Variants in BRAF observed in about 807,000 individuals in gnomAD.
The protein encoded by BRAF is serine/threonine-protein kinase B-raf.
BRAF carries 16 observed loss-of-function variants against 104.6 expected under a neutral mutation model. That is an observed-to-expected ratio of 0.15 (90% CI 0.10 to 0.23). The LOEUF (loss-of-function observed/expected upper bound fraction) is 0.23. Among genes scored for constraint, BRAF ranks in the 10% least tolerant of loss-of-function variants. The probability of loss-of-function intolerance (pLI) is 1.00; values close to 1 mark genes in which losing one functional copy is unlikely to be tolerated. For missense variants in BRAF, 541 were observed against 937.3 expected (o/e 0.58, Z 5.52); for synonymous variants, 310 against 341.6 (o/e 0.91, Z 1.02).
chr7:140,904,799 G>A (rs1471655604), intron 1 of BRAF, among the ~76,000 whole-genome samples: 3 of 152,044 alleles, frequency 2.0e-5, no homozygotes, highest in Non-Finnish European at 2.9e-5. Context: ...AGTAGAGACG[G>A]GGTTTCACCA....
chr7:140,783,586 TA>T (rs1447654372), intron 10 of BRAF: 12 of 230,514 alleles, frequency 5.2e-5, no homozygotes, highest in East Asian at 6.2e-5. Context: ...CAATCAATAT[TA>T]AAAAAAAGGA....
At chr7:140,745,464 CAGAA>C (rs1209531344) in intron 17 of BRAF, among the ~76,000 whole-genome samples, 1 of 152,098 alleles carries the variant, frequency 6.6e-6, no homozygotes, top group African/African-American at 2.4e-5. Flanking sequence ...GATGAAGAAA[CAGAA>C]AGAAGAAAAA....
chr7:140,759,036 G>A (rs1798442560), intron 14 of BRAF, among the ~76,000 whole-genome samples: 1 of 152,144 alleles, frequency 6.6e-6, no homozygotes, highest in Non-Finnish European at 1.5e-5. Context: ...GGCTTCTTTT[G>A]CGCAGCAAAA....
rs533431955 is a variant in BRAF, at chr7:140,831,575, C to T, written c.504+3034G>A. Among the ~76,000 whole-genome samples, 11 of 152,238 alleles carry T rather than the reference C, an allele frequency of 7.2e-5. No individual in the cohort carries two copies. The East Asian group carries it at 2.1e-3, about 29-fold the overall frequency. ...ACAGAAGAGGAACTAACAGGATCCC[C>T]TTGTTGTACAACTCCAGGAGGCAAC... On this transcript the variant is annotated intron_variant, in intron 3 of 19. Coordinates refer to ENST00000644969, the MANE Select transcript of BRAF (RefSeq NM_001374258.1).
At chr7:140,824,999 C>A (rs574342131) in intron 3 of BRAF, among the ~76,000 whole-genome samples, 1 of 144,528 alleles carries the variant, frequency 6.9e-6, no homozygotes, top group Non-Finnish European at 1.5e-5. Flanking sequence ...GAGATGGAGT[C>A]TCACTCTGTT....
At chr7:140,713,896 A>G in the BRAF span, among the ~76,000 whole-genome samples, 1 of 152,160 alleles carries the variant, frequency 6.6e-6, no homozygotes, top group South Asian at 2.1e-4. Context: ...TTGCCTGGGT[A>G]TCAGCAGCGG....
At position 140,720,534 on chromosome 7, in the gene BRAF, T is replaced by A; in HGVS notation, c.*5960A>T. On this transcript the variant is annotated 3_prime_UTR_variant, in exon 20 of 20. Coordinates refer to ENST00000644969, the MANE Select transcript of BRAF (RefSeq NM_001374258.1). ...CATACACAAATGTATTAGGAAGGAATGATTCTTAAAAAAACCGTTCACAGC... is the reference window on the plus strand; with the variant it reads ...CATACACAAATGTATTAGGAAGGAAAGATTCTTAAAAAAACCGTTCACAGC... 9.4e-7 allele frequency: 1 copy of A among 1,065,126 alleles called. No individual in the cohort carries two copies. Among genetic ancestry groups the A allele is most frequent in the Non-Finnish European group, 1.1e-6 (1 of 879,210 alleles). 66.0% of individuals were successfully genotyped at this position (1,065,126 alleles called of 1,614,324 possible). A position where few individuals can be genotyped will look rare whatever the true frequency, so the allele number is the denominator to read the frequency against.
At chr7:140,892,813 C>T (rs1279894876) in intron 1 of BRAF, among the ~76,000 whole-genome samples, 1 of 152,142 alleles carries the variant, frequency 6.6e-6, no homozygotes, top group African/African-American at 2.4e-5. Context: ...CAAAACAATA[C>T]ATCAGATCAA....
At chr7:140,800,121 A>G in intron 7 of BRAF, 2 of 563,808 alleles carry the variant, frequency 3.5e-6, no homozygotes, top group Non-Finnish European at 6.2e-6. Flanking sequence ...ACTGAAGAGC[A>G]GAAGTCAAAT....
At chr7:140,769,233 T>A (rs990512385) in intron 14 of BRAF, among the ~76,000 whole-genome samples, 1 of 152,050 alleles carries the variant, frequency 6.6e-6, no homozygotes, top group South Asian at 2.1e-4. Context: ...CCGGCCACCA[T>A]GCCCAGCTGA....
chr7:140,855,975 G>A (rs1809733952), intron 1 of BRAF, among the ~76,000 whole-genome samples: 1 of 151,768 alleles, frequency 6.6e-6, no homozygotes, highest in Non-Finnish European at 1.5e-5. Context: ...CTGAGATCAC[G>A]CCACTATACT....
In BRAF at chr7:140,723,561, A is replaced by G; in HGVS notation, c.*2933T>C. 1 of 1,048,938 alleles carries G rather than the reference A, an allele frequency of 9.5e-7. No homozygotes were observed. The highest frequency in any genetic ancestry group is 1.2e-6 in the Non-Finnish European group (1 of 869,096). The allele number at this position is 1,048,938 out of a possible 1,614,324, so 65.0% of individuals were successfully genotyped here. A position where few individuals can be genotyped will look rare whatever the true frequency, so the allele number is the denominator to read the frequency against. ...TTTTCTATTCACAAATCCCTTTTATAAACTATTTTTTTGGTCAATATTATT... is the reference window on the plus strand; with the variant it reads ...TTTTCTATTCACAAATCCCTTTTATGAACTATTTTTTTGGTCAATATTATT... On this transcript the variant is annotated 3_prime_UTR_variant, in exon 20 of 20. Transcript: ENST00000644969.
At chr7:140,736,679 G>A (rs1459884537) in intron 18 of BRAF, among the ~76,000 whole-genome samples, 2 of 151,266 alleles carry the variant, frequency 1.3e-5, no homozygotes, top group Non-Finnish European at 3.0e-5. Context: ...CGCCTGCCTC[G>A]GCCTCCCAAA....
At chr7:140,911,990 C>T (rs1817032994) in intron 1 of BRAF, among the ~76,000 whole-genome samples, 1 of 152,166 alleles carries the variant, frequency 6.6e-6, no homozygotes, top group Non-Finnish European at 1.5e-5. Context: ...ATAATGCTGT[C>T]TAGACAACTC....
chr7:140,761,866 C>A (rs1412377023), intron 14 of BRAF, among the ~76,000 whole-genome samples: 8 of 152,174 alleles, frequency 5.3e-5, no homozygotes, highest in Non-Finnish European at 1.0e-4. Flanking sequence ...GCACCCAATA[C>A]AGGAGCACCC....
chr7:140,855,549 TG>T (rs1240807442), intron 1 of BRAF, among the ~76,000 whole-genome samples: 2 of 128,208 alleles, frequency 1.6e-5, no homozygotes, highest in African/African-American at 9.0e-5. Flanking sequence ...AGGGGAGCTA[TG>T]GCACAAAAAA....
chr7:140,714,922 A>T (rs1227268216), downstream of BRAF, among the ~76,000 whole-genome samples: 1 of 152,110 alleles, frequency 6.6e-6, no homozygotes, highest in Non-Finnish European at 1.5e-5. Flanking sequence ...TGCGAGGGTG[A>T]AGAGTGTTCT....
intron 1 of BRAF, among the ~76,000 whole-genome samples, chr7:140,899,450 T>G (rs1486413884): frequency 6.6e-6 from 1 of 152,130 alleles, no homozygotes. Flanking sequence ...TCCCCCCAAT[T>G]TACATTCCCA....
chr7:140,813,655 T>C (rs1391371841), intron 3 of BRAF, among the ~76,000 whole-genome samples: 1 of 152,178 alleles, frequency 6.6e-6, no homozygotes, highest in African/African-American at 2.4e-5. Flanking sequence ...CTATAGTACA[T>C]CTATACAATG....
Sources: allele counts gnomAD v4.1 joint callset (sites outside exome capture counted in the v4.1 genomes callset), GRCh38; gene constraint gnomAD v4.1.1; transcripts MANE v1.5; gene names NCBI Gene and HGNC (gene_info 2026-07-23, HGNC 2026-07-21).